Variants in REST observed in about 807,000 individuals in gnomAD.
REST encodes RE1-silencing transcription factor.
A neutral mutation model predicts 30.4 loss-of-function variants in REST; 1 was observed. The ratio of observed to expected loss-of-function variants is 0.03; its 90% CI spans 0.01 to 0.16. The LOEUF is 0.16. Among genes scored for constraint, REST ranks in the 10% least tolerant of loss-of-function variants. REST has a pLI of 1.00. For synonymous variants in REST, 504 were observed against 451.1 expected, an observed-to-expected ratio of 1.12 and a Z score of -1.49; for missense variants, 1,259 against 1,329.5, an observed-to-expected ratio of 0.95 and a Z score of 0.82.
chr4:56,913,736 C>T (rs963917608), intron 2 of REST, among the ~76,000 whole-genome samples: 1 of 152,122 alleles, frequency 6.6e-6, no homozygotes, highest in East Asian at 1.9e-4. Flanking sequence ...ACAACCTCCA[C>T]CTCCCAGGTT....
Position 56,911,050 on chromosome 4 carries a change from A to G in REST, c.412A>G (p.Lys138Glu), listed in dbSNP as rs374614406. ...TGCTCCAGATATTTACAGTTCAAAT[A>G]AAGATCTTCCCCCTGAAACACCTGG... ...SGAPDIYSSN[K>E]DLPPETPGAE... The change falls in exon 2 of 4, where the codon AAA (lysine) becomes GAA (glutamate). Residue 138 changes from lysine to glutamate, a missense_variant. Transcript: ENST00000309042. 1.2e-5 allele frequency: 20 copies of G among 1,614,034 alleles called. No individual in the cohort carries two copies. The African/African-American group carries it at 2.1e-4, about 17-fold the overall frequency.
chr4:56,932,830 A>C lies in REST; in HGVS notation c.*678A>C, dbSNP rs965271667. 6.6e-6 allele frequency: 1 copy of C among 152,054 alleles called. No individual in the cohort carries two copies. The highest frequency in any genetic ancestry group is 1.5e-5 in the Non-Finnish European group (1 of 68,022). 9.4% of individuals were successfully genotyped at this position (152,054 alleles called of 1,614,324 possible). A position where few individuals can be genotyped will look rare whatever the true frequency, so the allele number is the denominator to read the frequency against. ...TTATGTTTTTTTGCCTATGCAGTTA[A>C]ATTTTTCCTAGAAATAGCATTTGTG... On this transcript the variant is annotated 3_prime_UTR_variant, in exon 4 of 4. Coordinates refer to ENST00000309042, the MANE Select transcript of REST (RefSeq NM_005612.5).
rs1477194529 is a variant in REST, at chr4:56,908,139, C to T, written c.-84C>T. 2 of 265,464 alleles carry T rather than the reference C, an allele frequency of 7.5e-6. No homozygotes were observed. Among genetic ancestry groups the T allele is most frequent in the Non-Finnish European group, 1.4e-5 (2 of 139,874 alleles). The allele number at this position is 265,464 out of a possible 1,614,324, so 16.4% of individuals were successfully genotyped here. ...CCTCCCCCACCTCTCCCCCGAAACT[C>T]CAGCAACAAAGAAAAGTAGTCGGAG... On this transcript the variant is annotated 5_prime_UTR_variant, in exon 1 of 4. Transcript: ENST00000309042.
intron 3 of REST, 116 bp from the exon 4 acceptor site, chr4:56,929,725 C>G (rs1426086458): frequency 1.0e-5 from 8 of 795,188 alleles, no homozygotes; most frequent in Non-Finnish European, 1.2e-5. Flanking sequence ...ATGTAAGGTG[C>G]ATGATACAGC....
At chr4:56,914,633 C>G (rs1720093893) in intron 2 of REST, among the ~76,000 whole-genome samples, 1 of 152,192 alleles carries the variant, frequency 6.6e-6, no homozygotes, top group Non-Finnish European at 1.5e-5. Flanking sequence ...TATCTTAAAT[C>G]CCAGCCATCA....
rs900795015 is a variant in REST at position 56,934,927 on chromosome 4, G to A, written c.*2775G>A. 59 of 149,872 alleles carry A rather than the reference G, an allele frequency of 3.9e-4. No homozygotes were observed. The highest frequency in any genetic ancestry group is 1.3e-3 in the African/African-American group (55 of 40,844). 9.3% of individuals were successfully genotyped at this position (149,872 alleles called of 1,614,324 possible). ...CACATTGGTTTTCAAGATATTTTAA[G>A]TTATATTTTTTCCTCTTTTCAGAGC... is the stretch of plus-strand genomic sequence containing the variant. On this transcript the variant is annotated 3_prime_UTR_variant, in exon 4 of 4. Transcript: ENST00000309042.
intron 1 of REST, among the ~76,000 whole-genome samples, chr4:56,909,752 T>C (rs1719809242): frequency 6.6e-6 from 1 of 152,244 alleles, no homozygotes; most frequent in Admixed American, 6.5e-5. Flanking sequence ...TAACGTAGCA[T>C]CTAGAAAGCC....
intron 2 of REST, among the ~76,000 whole-genome samples, chr4:56,914,108 A>G (rs983553350): frequency 1.3e-5 from 2 of 151,158 alleles, no homozygotes; most frequent in East Asian, 2.0e-4. Context: ...TGATATTTGT[A>G]TGGTAGAGAC....
intron 2 of REST, among the ~76,000 whole-genome samples, chr4:56,914,545 A>G (rs945721023): frequency 1.3e-5 from 2 of 152,258 alleles, no homozygotes; most frequent in Non-Finnish European, 1.5e-5. Flanking sequence ...AATGAAAGTT[A>G]CTTGGGGACA....
In REST at chr4:56,929,923, C is replaced by T; in HGVS notation, c.1065C>T (p.His355=). 1 of 1,614,172 alleles carries T rather than the reference C, an allele frequency of 6.2e-7. No individual in the cohort carries two copies. The highest frequency in any genetic ancestry group is 1.1e-5 in the South Asian group (1 of 91,070). ...TAACCCGCCATGCAAGACAGGTTCA[C>T]AATGGGCCTAAACCTCTTAATTGCC... The part of the protein sequence containing the change: ...HEVTRHARQV[H]NGPKPLNCPH... Residue 355 remains histidine (H), a synonymous_variant, in exon 4 of 4, where the codon CAC becomes CAT. Coordinates refer to ENST00000309042, the MANE Select transcript of REST (RefSeq NM_005612.5).
Position 56,908,056 on chromosome 4 carries a change from G to A in REST, c.-167G>A. On this transcript the variant is annotated 5_prime_UTR_variant, in exon 1 of 4. Coordinates refer to ENST00000309042, the MANE Select transcript of REST (RefSeq NM_005612.5). ...AGGCCCGGAGGCCTGAGCACCCTCT[G>A]CAGCCCCACTCCTGGGCCTTCTTGG... 2.8e-6 allele frequency: 1 copy of A among 359,916 alleles called. No individual in the cohort carries two copies. Among genetic ancestry groups the A allele is most frequent in the Non-Finnish European group, 5.0e-6 (1 of 200,588 alleles). The allele number at this position is 359,916 out of a possible 1,614,324, so 22.3% of individuals were successfully genotyped here. A position where few individuals can be genotyped will look rare whatever the true frequency, so the allele number is the denominator to read the frequency against.
At chr4:56,919,899 A>C (rs771537296) in intron 3 of REST, 29 bp downstream of exon 3, 1 of 1,238,482 alleles carries the variant, frequency 8.1e-7, no homozygotes, top group Non-Finnish European at 1.2e-6. Flanking sequence ...CTTTTCTATC[A>C]TTTTCAGTAA....
At chr4:56,921,976 T>TC (rs757852345) in intron 3 of REST, among the ~76,000 whole-genome samples, 6 of 152,202 alleles carry the variant, frequency 3.9e-5, no homozygotes, top group Non-Finnish European at 7.3e-5. Context: ...GACTTGATAA[T>TC]AAGACTTGAT....
At chr4:56,922,616 A>G (rs1440706064) in intron 3 of REST, among the ~76,000 whole-genome samples, 3 of 152,110 alleles carry the variant, frequency 2.0e-5, no homozygotes, top group African/African-American at 2.4e-5. Context: ...CCCGGCCAAG[A>G]GCTTTATATT....
chr4:56,930,756 C>T lies in REST; in HGVS notation c.1898C>T (p.Pro633Leu), dbSNP rs1720924016. The change falls in exon 4 of 4, where the codon CCC (proline) becomes CTC (leucine). Residue 633 changes from proline to leucine, a missense_variant. Transcript: ENST00000309042. Reference sequence around the variant, plus strand: ...CCCGTTCAGGTGGAGCCGCCACCTCCCATGGAGCATGCTCAGATGGAGGGT... The same window carrying T: ...CCCGTTCAGGTGGAGCCGCCACCTCTCATGGAGCATGCTCAGATGGAGGGT... ...KGPVQVEPPP[P>L]MEHAQMEGAQ... The T allele has an allele frequency of 6.2e-7, 1 of 1,603,784 alleles. No individual in the cohort carries two copies. The highest frequency in any genetic ancestry group is 8.5e-7 in the Non-Finnish European group (1 of 1,176,696).
intron 2 of REST, among the ~76,000 whole-genome samples, chr4:56,917,820 G>A (rs1032245130): frequency 2.0e-5 from 3 of 149,216 alleles, no homozygotes; most frequent in African/African-American, 7.4e-5. Flanking sequence ...GGGAGGCCGA[G>A]GTGAGTGGAT....
At position 56,931,448 on chromosome 4, in the gene REST, T is replaced by TCAC; in HGVS notation, c.2597_2599dup (p.Pro866dup). ...AAGCACAGAGGATCTCTCACCACCA[T>TCAC]CACCACCACTGCCAAAGGAAAATTT... On this transcript the variant is annotated inframe_insertion, in exon 4 of 4. Transcript: ENST00000309042. The TCAC allele has an allele frequency of 1.2e-6, 2 of 1,614,118 alleles. No individual in the cohort carries two copies. Among genetic ancestry groups the TCAC allele is most frequent in the South Asian group, 1.1e-5 (1 of 91,080 alleles).
rs977427795 is a variant in REST at position 56,910,927 on chromosome 4, G to A, written c.289G>A (p.Ala97Thr). 1.2e-6 allele frequency: 2 copies of A among 1,614,204 alleles called. No individual in the cohort carries two copies. Among genetic ancestry groups the A allele is most frequent in the Non-Finnish European group, 1.7e-6 (2 of 1,180,046 alleles). ...AGAAGGAGAAGGACTTGAAGAGTCT[G>A]CTGATATAAAAGGTGAACCTCATGG... ...SEEGEGLEES[A>T]DIKGEPHGLE... The change falls in exon 2 of 4, where the codon GCT (alanine) becomes ACT (threonine). Residue 97 changes from alanine to threonine, a missense_variant. Coordinates refer to ENST00000309042, the MANE Select transcript of REST (RefSeq NM_005612.5).
intron 3 of REST, among the ~76,000 whole-genome samples, chr4:56,927,930 C>T (rs879505234): frequency 5.9e-5 from 9 of 152,196 alleles, no homozygotes; most frequent in Non-Finnish European, 1.0e-4. Context: ...AAAATTTACT[C>T]AGCTCTTGCC....
Sources: allele counts gnomAD v4.1 joint callset (sites outside exome capture counted in the v4.1 genomes callset), GRCh38; gene constraint gnomAD v4.1.1; transcripts MANE v1.5; gene names NCBI Gene and HGNC (gene_info 2026-07-23, HGNC 2026-07-21).